The following GFM2 variants were observed in gnomAD, a reference collection of about 807,000 sequenced individuals.
GFM2 encodes the protein ribosome-releasing factor 2, mitochondrial.
In GFM2, 72 loss-of-function variants were observed where a neutral mutation model predicts 95.4. The ratio of observed to expected loss-of-function variants is 0.76; its 90% CI spans 0.62 to 0.92. GFM2 has a LOEUF of 0.92. Among genes scored for constraint, GFM2 ranks in the 40% least tolerant of loss-of-function variants. The pLI is 0.00. For missense variants in GFM2, 825 were observed against 924.1 expected (o/e 0.89, Z 1.39); for synonymous variants, 276 against 317.5 (o/e 0.87, Z 1.39).
At chr5:74,745,414 G>C (rs1356909923) in intron 10 of GFM2, among the ~76,000 whole-genome samples, 2 of 152,104 alleles carry the variant, frequency 1.3e-5, no homozygotes, top group South Asian at 2.1e-4. Flanking sequence ...TAGTGGGAGA[G>C]AGAGATGAAC....
intron 15 of GFM2, among the ~76,000 whole-genome samples, chr5:74,735,041 G>C (rs1179051678): frequency 2.0e-5 from 3 of 152,168 alleles, no homozygotes; most frequent in Non-Finnish European, 4.4e-5. Context: ...AAGAATCCAT[G>C]GGTTACTTTG....
At chr5:74,762,282 C>T (rs1744323637) in intron 2 of GFM2, among the ~76,000 whole-genome samples, 1 of 152,106 alleles carries the variant, frequency 6.6e-6, no homozygotes, top group African/African-American at 2.4e-5. Flanking sequence ...GGGTTATATT[C>T]CAAGACCCCC....
chr5:74,735,839 G>C (rs747827271), intron 15 of GFM2, among the ~76,000 whole-genome samples: 2 of 152,180 alleles, frequency 1.3e-5, no homozygotes, highest in Non-Finnish European at 2.9e-5. Context: ...CAGGCAAGAA[G>C]GCTGTGGCAG....
At chr5:74,722,335 C>A in intron 20 of GFM2, 44 bp downstream of exon 20, 1 of 1,468,688 alleles carries the variant, frequency 6.8e-7, no homozygotes, top group Non-Finnish European at 9.5e-7. Flanking sequence ...ATAATATCCC[C>A]TGAATTAAGA....
rs1191850675 is a variant in GFM2, at chr5:74,747,793, T to C, written c.520-13A>G. On this transcript the variant is annotated splice_polypyrimidine_tract_variant and intron_variant, in intron 7 of 20. Coordinates refer to ENST00000296805, the MANE Select transcript of GFM2 (RefSeq NM_032380.5). ...TGAGAGTCTGGGCCTAAAGCAAAGA[T>C]GAGGAAAAAAATACATACTGAACAA... The C allele has an allele frequency of 2.0e-6, 3 of 1,515,658 alleles. No homozygotes were observed. Among genetic ancestry groups the C allele is most frequent in the Admixed American group, 1.7e-5 (1 of 57,378 alleles). The allele number at this position is 1,515,658 out of a possible 1,614,324, so 93.9% of individuals were successfully genotyped here.
At chr5:74,752,166 C>G (rs1333405102) in intron 5 of GFM2, among the ~76,000 whole-genome samples, 1 of 152,116 alleles carries the variant, frequency 6.6e-6, no homozygotes, top group African/African-American at 2.4e-5. Context: ...CATACAACTT[C>G]TACAGTATAA....
At chr5:74,722,599 A>G (rs1749956820) in intron 19 of GFM2, 38 bp from the exon 20 acceptor site, 1 of 1,537,354 alleles carries the variant, frequency 6.5e-7, no homozygotes, top group African/African-American at 1.4e-5. Context: ...TCTTTCATAA[A>G]TAAAAACTTA....
intron 1 of GFM2, among the ~76,000 whole-genome samples, chr5:74,764,649 AAC>A (rs1328618821): frequency 6.6e-6 from 1 of 152,140 alleles, no homozygotes; most frequent in Admixed American, 6.6e-5. Flanking sequence ...AGATATGTGA[AAC>A]CTCATTACTA....
At chr5:74,727,241 A>G (rs1750189011) in intron 17 of GFM2, among the ~76,000 whole-genome samples, 1 of 152,178 alleles carries the variant, frequency 6.6e-6, no homozygotes, top group Admixed American at 6.5e-5. Flanking sequence ...GCTAAAAATG[A>G]GCATTCATGA....
Position 74,741,354 on chromosome 5 carries a change from C to T in GFM2, c.930+175G>A, listed in dbSNP as rs552253814. 6.7e-4 allele frequency among the ~76,000 whole-genome samples: 102 copies of T among 151,830 alleles called. 1 individual carries two copies. Among genetic ancestry groups the T allele is most frequent in the South Asian group, 8.3e-4 (4 of 4,810 alleles). On this transcript the variant is annotated intron_variant, in intron 11 of 20. Transcript: ENST00000296805. Reference sequence around the variant, plus strand: ...TATATATGAAAGTAATAAATCACTGCCAATAAGTATTGTATTAGTAGTGAC... The same window carrying T: ...TATATATGAAAGTAATAAATCACTGTCAATAAGTATTGTATTAGTAGTGAC...
chr5:74,721,852 T>C (rs1195639459), intron 20 of GFM2, 69 bp from the exon 21 acceptor site: 2 of 1,447,370 alleles, frequency 1.4e-6, no homozygotes, highest in African/African-American at 2.9e-5. Context: ...CTGCTGATTA[T>C]CTTTTGACTA....
rs192581658 is a variant in GFM2 at position 74,756,681 on chromosome 5, A to G, written c.304+2168T>C. 9.7e-4 allele frequency among the ~76,000 whole-genome samples: 148 copies of G among 152,184 alleles called. No individual in the cohort carries two copies. The East Asian group carries it at 0.023, about 24-fold the overall frequency. ...AGTGTGTGTGTATATATATATACAC[A>G]CACATATACACACCATGGAATACTA... is the stretch of plus-strand genomic sequence containing the variant. On this transcript the variant is annotated intron_variant, in intron 5 of 20. Transcript: ENST00000296805.
intron 5 of GFM2, among the ~76,000 whole-genome samples, chr5:74,755,355 A>G (rs529207924): frequency 8.5e-4 from 130 of 152,190 alleles, no homozygotes; most frequent in Non-Finnish European, 1.4e-3. Context: ...AATCATGCAA[A>G]TACATGGAAA....
At chr5:74,721,898 G>T in intron 20 of GFM2, 115 bp from the exon 21 acceptor site, 2 of 913,592 alleles carry the variant, frequency 2.2e-6, no homozygotes, top group Non-Finnish European at 3.3e-6. Flanking sequence ...TTGTGGCTTA[G>T]CCATATCACT....
intron 15 of GFM2, chr5:74,736,266 A>T: frequency 1.8e-6 from 1 of 545,262 alleles, no homozygotes; most frequent in Non-Finnish European, 2.3e-6. Context: ...TGGGTTTTAC[A>T]TACCACACTA....
At chr5:74,722,635 C>G in intron 19 of GFM2, 74 bp from the exon 20 acceptor site, 1 of 1,209,056 alleles carries the variant, frequency 8.3e-7, no homozygotes. Flanking sequence ...AGAGCTCATA[C>G]AAAAAGACAT....
At chr5:74,754,055 A>G (rs1242297192) in intron 5 of GFM2, among the ~76,000 whole-genome samples, 1 of 152,184 alleles carries the variant, frequency 6.6e-6, no homozygotes, top group African/African-American at 2.4e-5. Flanking sequence ...TTTGGGTCCT[A>G]CTTTAGCCTC....
chr5:74,759,268 G>GCGAGACTCCGTCTCAAAAAAAAAAAAAA lies in GFM2; in HGVS notation c.206+100_206+101insTTTTTTTTTTTTTTGAGACGGAGTCTCG, dbSNP rs1561263191. On this transcript the variant is annotated intron_variant, in intron 4 of 20. Coordinates refer to ENST00000296805, the MANE Select transcript of GFM2 (RefSeq NM_032380.5). ...CATCTACTTAAAATTGGCTAGGGCA[G>GCGAGACTCCGTCTCAAAAAAAAAAAAAA]AAAGTCATAGAAATTACAGCATTCA... 6.9e-6 allele frequency: 5 copies of GCGAGACTCCGTCTCAAAAAAAAAAAAAA among 727,540 alleles called. No homozygotes were observed. In the African/African-American group the frequency reaches 8.1e-5, roughly 12 times the overall value. 45.1% of individuals were successfully genotyped at this position (727,540 alleles called of 1,614,324 possible).
rs150250294 is a variant in GFM2 at position 74,766,499 on chromosome 5, C to A, written c.-25+439G>T. On this transcript the variant is annotated intron_variant, in intron 1 of 20. Coordinates refer to ENST00000296805, the MANE Select transcript of GFM2 (RefSeq NM_032380.5). The stretch of plus-strand genomic sequence containing the variant: ...CTGATAGTGTATTTAAGTAGACGTA[C>A]TTTCTGGTAGTTAATTACTTCTTGA... 6.6e-5 allele frequency among the ~76,000 whole-genome samples: 10 copies of A among 152,274 alleles called. No homozygotes were observed. In the East Asian group the frequency reaches 1.9e-3, roughly 29 times the overall value.
Sources: gnomAD v4.1 joint callset for allele counts (sites outside exome capture counted in the v4.1 genomes callset) on GRCh38, gnomAD v4.1.1 for gene constraint, MANE v1.5 for transcripts, NCBI Gene and HGNC (gene_info 2026-07-23, HGNC 2026-07-21) for gene names.